FUT8: variants seen among roughly 807,000 people sequenced by gnomAD.
FUT8 encodes fucosyltransferase 8.
A neutral mutation model predicts 71.3 loss-of-function variants in FUT8; 29 were observed. The ratio of observed to expected loss-of-function variants is 0.41; its 90% CI spans 0.30 to 0.55. The LOEUF is 0.55. FUT8 is among the 20% of genes least tolerant of loss of function. FUT8 has a pLI of 0.34. For missense variants in FUT8, 544 were observed against 702.1 expected, an observed-to-expected ratio of 0.77 and a Z score of 2.55; for synonymous variants, 254 against 239.3, an observed-to-expected ratio of 1.06 and a Z score of -0.57.
chr14:65,637,541 G>A (rs930048494), intron 6 of FUT8, among the ~76,000 whole-genome samples: 6 of 152,098 alleles, frequency 3.9e-5, no homozygotes, highest in South Asian at 2.1e-4. Context: ...GCAAAATTAA[G>A]CCCATTTCAG....
intron 1 of FUT8, among the ~76,000 whole-genome samples, chr14:65,425,315 A>G (rs1003820696): frequency 1.3e-5 from 2 of 151,728 alleles, no homozygotes; most frequent in Non-Finnish European, 1.5e-5. Flanking sequence ...AAAGGCATGC[A>G]CCACCACACC....
chr14:65,643,715 C>CACACACACACACACACACACACACA lies in FUT8; in HGVS notation c.597+14109_597+14110insACACACACACACACACACACACACA. ...ACACACACACACACACACACACACA[C>CACACACACACACACACACACACACA]CAGATTCCATTCTAGATGCTATTCC... is the stretch of plus-strand genomic sequence containing the variant. On this transcript the variant is annotated intron_variant, in intron 6 of 10. Transcript: ENST00000673929. The surrounding 1 kb of genome is among the most constrained non-coding windows in gnomAD (Gnocchi z 4.5). 6.9e-6 allele frequency among the ~76,000 whole-genome samples: 1 copy of CACACACACACACACACACACACACA among 145,118 alleles called. No homozygotes were observed. The highest frequency in any genetic ancestry group is 2.0e-4 in the East Asian group (1 of 5,006).
At chr14:65,407,101 CA>C (rs2065091368), upstream of FUT8, among the ~76,000 whole-genome samples, 1 of 152,112 alleles carries the variant, frequency 6.6e-6, no homozygotes, top group South Asian at 2.1e-4. Context: ...ACTGGGGGGC[CA>C]TTGGTAACTG....
rs1890964790 is a variant in FUT8, at chr14:65,643,665, T to TACACACACACAAACACACACACACAC, written c.597+14070_597+14071insAACACACACACACACACACACACACA. Among the ~76,000 whole-genome samples, 1 of 124,712 alleles carries TACACACACACAAACACACACACACAC rather than the reference T, an allele frequency of 8.0e-6. No individual in the cohort carries two copies. Among genetic ancestry groups the TACACACACACAAACACACACACACAC allele is most frequent in the Non-Finnish European group, 1.6e-5 (1 of 61,890 alleles). 81.8% of individuals were successfully genotyped at this position (124,712 alleles called of 152,430 possible). A position where few individuals can be genotyped will look rare whatever the true frequency, so the allele number is the denominator to read the frequency against. ...CGAGACTCCGTCTTTAAAAAAAAAATACACACACACACACACACACACACA... is the reference window on the plus strand; with the variant it reads ...CGAGACTCCGTCTTTAAAAAAAAAATACACACACACAAACACACACACACACACACACACACACACACACACACACA... On this transcript the variant is annotated intron_variant, in intron 6 of 10. Coordinates refer to ENST00000673929, the MANE Select transcript of FUT8 (RefSeq NM_001371533.1). This position sits in a 1 kb window ranked among gnomAD's most constrained non-coding sequence, Gnocchi z 4.5.
chr14:65,526,819 T>G (rs887294184), intron 2 of FUT8, among the ~76,000 whole-genome samples: 5 of 152,202 alleles, frequency 3.3e-5, no homozygotes, highest in African/African-American at 1.2e-4. Context: ...CCTTCACTTA[T>G]GAAGCTTAGT....
In FUT8 at chr14:65,729,972, T is replaced by G. The variant is rs543653061; in HGVS notation, c.1260-3259T>G. Among the ~76,000 whole-genome samples the G allele has an allele frequency of 1.1e-4, 16 of 152,168 alleles. No homozygotes were observed. In the South Asian group the frequency reaches 3.3e-3, roughly 32 times the overall value. The stretch of plus-strand genomic sequence containing the variant: ...GTTTCTCGGGGATTTAAATGATGGG[T>G]TTTTTTTCTTTACTCTTTTACTGAA... On this transcript the variant is annotated intron_variant, in intron 9 of 10. Coordinates refer to ENST00000673929, the MANE Select transcript of FUT8 (RefSeq NM_001371533.1).
chr14:65,414,421 A>G (rs1035799405), intron 1 of FUT8, among the ~76,000 whole-genome samples: 1 of 152,254 alleles, frequency 6.6e-6, no homozygotes, highest in Non-Finnish European at 1.5e-5. Context: ...GCACTACAGT[A>G]TATCAGATAT....
intron 2 of FUT8, among the ~76,000 whole-genome samples, chr14:65,456,927 T>C (rs998687766): frequency 1.3e-5 from 2 of 151,990 alleles, no homozygotes; most frequent in African/African-American, 4.8e-5. Flanking sequence ...TACATACTTA[T>C]ATTCAGGGTA....
intron 3 of FUT8, among the ~76,000 whole-genome samples, chr14:65,562,291 A>T (rs748621499): frequency 2.6e-5 from 4 of 152,284 alleles, no homozygotes; most frequent in African/African-American, 4.8e-5. Flanking sequence ...TATATTAAAA[A>T]TTTTATATGA....
At chr14:65,582,566 GTCT>G (rs1172332359) in intron 3 of FUT8, among the ~76,000 whole-genome samples, 1 of 152,110 alleles carries the variant, frequency 6.6e-6, no homozygotes, top group Non-Finnish European at 1.5e-5. Flanking sequence ...ACCTAAGCGT[GTCT>G]TCTTCTGAGA....
At chr14:65,704,899 A>G (rs1209932302) in intron 7 of FUT8, among the ~76,000 whole-genome samples, 1 of 152,218 alleles carries the variant, frequency 6.6e-6, no homozygotes, top group African/African-American at 2.4e-5. Flanking sequence ...CCCAGAGTTA[A>G]GTCTGTCAGA....
chr14:65,363,458 T>C, the FUT8 span, among the ~76,000 whole-genome samples: 1 of 152,284 alleles, frequency 6.6e-6, no homozygotes, highest in Admixed American at 6.5e-5. Context: ...GGTTTCACCA[T>C]GTTGGTTAGG....
chr14:65,512,738 G>A (rs10136763), intron 2 of FUT8, among the ~76,000 whole-genome samples: 9,294 of 151,664 alleles, frequency 0.061, 496 homozygotes, highest in South Asian at 0.19. Flanking sequence ...GTGAAACCCC[G>A]TCTCTATTAA....
intron 1 of FUT8, among the ~76,000 whole-genome samples, chr14:65,452,681 A>G (rs747285642): frequency 6.6e-6 from 1 of 152,232 alleles, no homozygotes; most frequent in Admixed American, 6.5e-5. Context: ...TAAGGAAACT[A>G]TGGGAAGCTG....
At chr14:65,530,289 T>TCA (rs1278823191) in intron 2 of FUT8, among the ~76,000 whole-genome samples, 2 of 152,176 alleles carry the variant, frequency 1.3e-5, no homozygotes, top group Middle Eastern at 3.2e-3. Context: ...ATTATAGGGC[T>TCA]CACCTTTTTG....
intron 7 of FUT8, among the ~76,000 whole-genome samples, chr14:65,716,519 C>T (rs1171250583): frequency 1.3e-5 from 2 of 151,794 alleles, no homozygotes. Context: ...GTTGACACAG[C>T]ACATGTTTCA....
rs761905226 is a variant in FUT8, at chr14:65,616,367, A to G, written c.476A>G (p.His159Arg). ...GAATTTCTTTTGGATTTAGGACATCATGAAAGGTACTATTCTCCTTTCACA... is the reference window on the plus strand; with the variant it reads ...GAATTTCTTTTGGATTTAGGACATCGTGAAAGGTACTATTCTCCTTTCACA... ...ADEFLLDLGH[H>R]ERSIMTDLYY... The change falls in exon 5 of 11, where the codon CAT (histidine) becomes CGT (arginine). Residue 159 changes from histidine (H) to arginine (R), a missense_variant. By Grantham distance (29) the His-to-Arg change is conservative. Coordinates refer to ENST00000673929, the MANE Select transcript of FUT8 (RefSeq NM_001371533.1). 3.8e-6 allele frequency: 6 copies of G among 1,592,952 alleles called. 1 individual carries two copies. The highest frequency in any genetic ancestry group is 5.1e-6 in the Non-Finnish European group (6 of 1,171,448).
At chr14:65,544,858 G>A (rs1341975999) in intron 2 of FUT8, among the ~76,000 whole-genome samples, 3 of 152,002 alleles carry the variant, frequency 2.0e-5, no homozygotes, top group Non-Finnish European at 4.4e-5. Flanking sequence ...TATAAGTAAT[G>A]AATGAAAATC....
At chr14:65,458,328 G>A (rs1288852810) in intron 2 of FUT8, 1 of 152,096 alleles carries the variant, frequency 6.6e-6, no homozygotes, top group African/African-American at 2.4e-5. Flanking sequence ...AAGTCATCTA[G>A]AAAAGTCAAG....
Sources: allele counts gnomAD v4.1 joint callset (sites outside exome capture counted in the v4.1 genomes callset), GRCh38; gene constraint gnomAD v4.1.1; non-coding constraint Gnocchi (gnomAD v3.1); transcripts MANE v1.5; gene names NCBI Gene and HGNC (gene_info 2026-07-23, HGNC 2026-07-21).